SETD2: variants seen among roughly 807,000 people sequenced by gnomAD.
SETD2 encodes SET domain containing 2, histone lysine methyltransferase.
Under a neutral mutation model 242.1 loss-of-function variants are expected in SETD2, and 31 were observed. The observed-to-expected ratio is 0.13, with a 90% confidence interval of 0.10 to 0.17. The LOEUF (loss-of-function observed/expected upper bound fraction) is 0.17, where lower values mean the gene tolerates loss of function less well. SETD2 is among the 10% of genes least tolerant of loss of function. SETD2 has a pLI of 1.00. For synonymous variants in SETD2, 1,006 were observed against 1,066.5 expected, an observed-to-expected ratio of 0.94 and a Z score of 1.11; for missense variants, 2,481 against 3,046.3, an observed-to-expected ratio of 0.81 and a Z score of 4.37.
At chr3:47,099,381 A>C in intron 8 of SETD2, among the ~76,000 whole-genome samples, 1 of 152,224 alleles carries the variant, frequency 6.6e-6, no homozygotes, top group East Asian at 1.9e-4. Context: ...AAATTTTCCA[A>C]TATTTTAATT....
chr3:47,150,846 G>A (rs1310333805), intron 1 of SETD2, among the ~76,000 whole-genome samples: 3 of 151,510 alleles, frequency 2.0e-5, no homozygotes, highest in African/African-American at 7.3e-5. Context: ...CTTGAGCCTG[G>A]GAGGTTGAGG....
intron 15 of SETD2, among the ~76,000 whole-genome samples, chr3:47,048,881 T>C (rs2039661617): frequency 6.6e-6 from 1 of 152,000 alleles, no homozygotes; most frequent in South Asian, 2.1e-4. Context: ...TTGGCCAGGA[T>C]GGTCTCCATC....
intron 12 of SETD2, among the ~76,000 whole-genome samples, chr3:47,078,368 C>T (rs1182274717): frequency 6.6e-6 from 1 of 152,042 alleles, no homozygotes; most frequent in African/African-American, 2.4e-5. Context: ...TCAGACAAAC[C>T]CAACTGCGGG....
intron 1 of SETD2, 118 bp downstream of exon 1, chr3:47,163,736 G>T (rs924544766): frequency 9.7e-7 from 1 of 1,034,524 alleles, no homozygotes; most frequent in Non-Finnish European, 1.2e-6. Context: ...ACCGCGCGAG[G>T]CCACCGTGGG....
In SETD2 at chr3:47,123,748, A is replaced by C; in HGVS notation, c.888T>G (p.Ser296=). The C allele has an allele frequency of 6.5e-7, 1 of 1,550,050 alleles. No homozygotes were observed. Among genetic ancestry groups the C allele is most frequent in the African/African-American group, 1.4e-5 (1 of 73,028 alleles). The change falls in exon 3 of 21, where the codon TCT becomes TCG. Residue 296 remains serine (S), a synonymous_variant. Transcript: ENST00000409792. Reference sequence around the variant, plus strand: ...TTTTTTTACAGCTCAGACTAATCTTAGAACTATCTGGAATTTCTTCATCCT... The same window carrying C: ...TTTTTTTACAGCTCAGACTAATCTTCGAACTATCTGGAATTTCTTCATCCT... ...IGKDEEIPDS[S]KISLSCKKTG...
intron 1 of SETD2, among the ~76,000 whole-genome samples, chr3:47,154,367 C>T (rs2044075807): frequency 2.0e-5 from 3 of 151,962 alleles, no homozygotes; most frequent in African/African-American, 7.3e-5. Context: ...CGAGATTGTG[C>T]CACTGCACTC....
intron 5 of SETD2, among the ~76,000 whole-genome samples, chr3:47,106,493 T>TATAAAAA (rs2042426052): frequency 3.5e-5 from 2 of 57,260 alleles, no homozygotes; most frequent in African/African-American, 1.3e-4. Context: ...ATTTTTGCTC[T>TATAAAAA]AAAAAAAAAA....
rs145499611 is a variant in SETD2 at position 47,122,604 on chromosome 3, C to T, written c.2032G>A (p.Gly678Arg). The T allele has an allele frequency of 2.7e-5, 44 of 1,614,050 alleles. No individual in the cohort carries two copies. The African/African-American group carries it at 5.5e-4, about 20-fold the overall frequency. Residue 678 changes from glycine (G) to arginine (R), a missense_variant, in exon 3 of 21, where the codon GGG becomes AGG. Around this residue, in one of 17 missense-constraint regions of SETD2, gnomAD observed 1,300 missense variants for 1,259.2 expected, o/e 1.03. Coordinates refer to ENST00000409792, the MANE Select transcript of SETD2 (RefSeq NM_014159.7). ...PIELNINGSP[G>R]AESDLATFCT... ...AATGTTGCCAAATCAGATTCTGCCC[C>T]AGGAGATCCATTTATATTTAATTCT... is the stretch of plus-strand genomic sequence containing the variant.
chr3:47,122,785 T>C lies in SETD2; in HGVS notation c.1851A>G (p.Pro617=). ...TAGGTGAATCATTTAATCGATTTGA[T>C]GGAGCTGGAGACCCAGCCTTTTCTC... is the stretch of plus-strand genomic sequence containing the variant. ...PEREKAGSPA[P]SNRLNDSPTL... Residue 617 remains proline, a synonymous_variant, in exon 3 of 21, where the codon CCA becomes CCG. Transcript: ENST00000409792. 1 of 1,611,582 alleles carries C rather than the reference T, an allele frequency of 6.2e-7. No individual in the cohort carries two copies. The highest frequency in any genetic ancestry group is 8.5e-7 in the Non-Finnish European group (1 of 1,179,418).
chr3:47,135,097 G>C (rs1575833234), intron 1 of SETD2, among the ~76,000 whole-genome samples: 1 of 152,162 alleles, frequency 6.6e-6, no homozygotes, highest in Non-Finnish European at 1.5e-5. Flanking sequence ...ATACTTACTT[G>C]AAGTAACATG....
chr3:47,067,634 C>T (rs142553456), intron 12 of SETD2, among the ~76,000 whole-genome samples: 5 of 151,914 alleles, frequency 3.3e-5, no homozygotes, highest in East Asian at 1.9e-4. Context: ...AGGCTGGTCT[C>T]GAACTCCTGG....
In SETD2 at chr3:47,163,843, C is replaced by A; in HGVS notation, c.71+11G>T. On this transcript the variant is annotated intron_variant, in intron 1 of 20. Coordinates refer to ENST00000409792, the MANE Select transcript of SETD2 (RefSeq NM_014159.7). ...CCGACAGCAGCGGGGGGCCGCGGAG[C>A]TGATACTTACTCAGGGGTCGGGTGC... 1 of 1,287,740 alleles carries A rather than the reference C, an allele frequency of 7.8e-7. No individual in the cohort carries two copies. The allele number at this position is 1,287,740 out of a possible 1,614,324, so 79.8% of individuals were successfully genotyped here. A position where few individuals can be genotyped will look rare whatever the true frequency, so the allele number is the denominator to read the frequency against.
At chr3:47,037,924 A>G (rs929077549) in intron 17 of SETD2, 147 bp from the exon 18 acceptor site, 7 of 607,732 alleles carry the variant, frequency 1.2e-5, no homozygotes, top group Non-Finnish European at 2.1e-5. Flanking sequence ...AACTTTTTCT[A>G]TCTTCCTAAC....
chr3:47,073,599 C>A (rs1194139550), intron 12 of SETD2, among the ~76,000 whole-genome samples: 3 of 152,116 alleles, frequency 2.0e-5, no homozygotes, highest in African/African-American at 7.2e-5. Context: ...TGCTTTTAAA[C>A]CCCTGAAGAA....
intron 1 of SETD2, among the ~76,000 whole-genome samples, chr3:47,156,620 C>G (rs2044132921): frequency 6.6e-6 from 1 of 152,158 alleles, no homozygotes; most frequent in African/African-American, 2.4e-5. Flanking sequence ...AGCAAACCCT[C>G]CAAGTACTAT....
chr3:47,080,616 T>A (rs1377443968), intron 12 of SETD2, among the ~76,000 whole-genome samples: 1 of 152,228 alleles, frequency 6.6e-6, no homozygotes, highest in Non-Finnish European at 1.5e-5. Context: ...AACAGAAATA[T>A]ATGCACATAT....
At chr3:47,025,040 C>T (rs1440992411) in intron 18 of SETD2, among the ~76,000 whole-genome samples, 1 of 152,178 alleles carries the variant, frequency 6.6e-6, no homozygotes, top group Non-Finnish European at 1.5e-5. Context: ...CCATTATATG[C>T]CTTCCCTATG....
chr3:47,104,970 T>C (rs1476006991), intron 6 of SETD2, among the ~76,000 whole-genome samples: 2 of 152,186 alleles, frequency 1.3e-5, no homozygotes, highest in South Asian at 4.1e-4. Flanking sequence ...GGTCTCACTA[T>C]GTTGCCCAGG....
rs1385061284 is a variant in SETD2, at chr3:47,057,184, A to G, written c.6600T>C (p.Pro2200=). ...PTPSMDPVCS[P]APYDHAQPLV... The stretch of plus-strand genomic sequence containing the variant: ...AGGGCTGAGCATGATCATAAGGAGC[A>G]GGAGAACACACTGGGTCCATGCTGG... Residue 2200 remains proline, a synonymous_variant, in exon 15 of 21, where the codon CCT becomes CCC. Transcript: ENST00000409792. 2 of 1,614,072 alleles carry G rather than the reference A, an allele frequency of 1.2e-6. No individual in the cohort carries two copies. The highest frequency in any genetic ancestry group is 1.7e-6 in the Non-Finnish European group (2 of 1,180,000).
Sources: allele counts gnomAD v4.1 joint callset (sites outside exome capture counted in the v4.1 genomes callset), GRCh38; gene constraint gnomAD v4.1.1; regional missense constraint gnomAD v4.1.1; transcripts MANE v1.5; gene names NCBI Gene and HGNC (gene_info 2026-07-23, HGNC 2026-07-21).